VPS13B: variants seen among roughly 807,000 people sequenced by gnomAD.
The protein encoded by VPS13B is intermembrane lipid transfer protein VPS13B.
In VPS13B, 285 loss-of-function variants were observed where a neutral mutation model predicts 426.4. The observed-to-expected ratio is 0.67, with a 90% CI of 0.61 to 0.74. The LOEUF is 0.74. Among genes scored for constraint, VPS13B ranks in the 30% least tolerant of loss-of-function variants. VPS13B has a pLI of 0.00. For synonymous variants in VPS13B, 1,676 were observed against 1,676.4 expected, an observed-to-expected ratio of 1.00 and a Z score of 0.01; for missense variants, 4,537 against 4,782.6, an observed-to-expected ratio of 0.95 and a Z score of 1.51.
chr8:99,157,720 A>G (rs1811435301), intron 15 of VPS13B, among the ~76,000 whole-genome samples: 1 of 152,236 alleles, frequency 6.6e-6, no homozygotes, highest in Admixed American at 6.5e-5. Context: ...TGAAGAAGGC[A>G]TGTCAAAAGC....
Position 99,832,409 on chromosome 8 carries a change from C to T in VPS13B, c.9371C>T (p.Pro3124Leu). The T allele has an allele frequency of 6.6e-7, 1 of 1,520,870 alleles. No homozygotes were observed. Among genetic ancestry groups the T allele is most frequent in the Non-Finnish European group, 8.8e-7 (1 of 1,135,328 alleles). 94.2% of individuals were successfully genotyped at this position (1,520,870 alleles called of 1,614,324 possible). Residue 3124 changes from proline to leucine, a missense_variant, in exon 52 of 62, where the codon CCA (proline) becomes CTA (leucine). Coordinates refer to ENST00000357162, the MANE Select transcript of VPS13B (RefSeq NM_152564.5). ...VPDSATFSIC[P>L]GGEQPAMKSS... The stretch of plus-strand genomic sequence containing the variant: ...GACAGTGCTACTTTTAGCATTTGCC[C>T]AGGTGGAGAGCAGCCTGCTATGAAA...
chr8:99,813,976 A>C (rs1340512855), intron 44 of VPS13B, among the ~76,000 whole-genome samples: 1 of 152,092 alleles, frequency 6.6e-6, no homozygotes, highest in African/African-American at 2.4e-5. Context: ...TCTACAAAAC[A>C]TAAAATAAAA....
At chr8:99,040,312 T>C (rs1842917740) in intron 3 of VPS13B, among the ~76,000 whole-genome samples, 1 of 152,192 alleles carries the variant, frequency 6.6e-6, no homozygotes, top group Non-Finnish European at 1.5e-5. Flanking sequence ...ATTTCCTGCT[T>C]GCATGGTATT....
At chr8:99,775,984 T>G (rs1487958981) in intron 40 of VPS13B, among the ~76,000 whole-genome samples, 1 of 152,200 alleles carries the variant, frequency 6.6e-6, no homozygotes, top group Non-Finnish European at 1.5e-5. Context: ...GCATTGTAAT[T>G]GTCCATGGGA....
At chr8:99,335,688 G>A (rs1360630094) in intron 19 of VPS13B, among the ~76,000 whole-genome samples, 8 of 150,410 alleles carry the variant, frequency 5.3e-5, no homozygotes, top group African/African-American at 1.5e-4. Flanking sequence ...AAATCAATGT[G>A]CAAAAATCAC....
chr8:99,325,318 G>T (rs1030135892), intron 19 of VPS13B, among the ~76,000 whole-genome samples: 1 of 152,086 alleles, frequency 6.6e-6, no homozygotes, highest in African/African-American at 2.4e-5. Flanking sequence ...ACTTCTCACC[G>T]TCAATCACAG....
chr8:99,611,954 T>C (rs903053269), intron 33 of VPS13B, among the ~76,000 whole-genome samples: 2 of 152,148 alleles, frequency 1.3e-5, no homozygotes, highest in African/African-American at 4.8e-5. Flanking sequence ...TAGCTAAGTA[T>C]GGTAAATACT....
chr8:99,427,294 C>A, intron 21 of VPS13B, among the ~76,000 whole-genome samples: 1 of 112,870 alleles, frequency 8.9e-6, no homozygotes. Flanking sequence ...GGTACCAGTA[C>A]CATGCTGTTT....
intron 19 of VPS13B, among the ~76,000 whole-genome samples, chr8:99,343,015 T>C (rs1811333807): frequency 6.6e-6 from 1 of 152,216 alleles, no homozygotes; most frequent in Non-Finnish European, 1.5e-5. Flanking sequence ...AGCATTTTTT[T>C]CATGTACCTG....
At position 99,639,626 on chromosome 8, in the gene VPS13B, T is replaced by TTA. The variant is rs1325143319; in HGVS notation, c.5221-2174_5221-2173dup. ...GACTTATTTATTCTTACATAAGTTG[T>TTA]TATATATATATAAGTTATTGCATAT... On this transcript the variant is annotated intron_variant, in intron 33 of 61. Coordinates refer to ENST00000357162, the MANE Select transcript of VPS13B (RefSeq NM_152564.5). Among the ~76,000 whole-genome samples the TTA allele has an allele frequency of 1.8e-3, 269 of 149,276 alleles. 1 individual carries two copies. The highest frequency in any genetic ancestry group is 2.1e-3 in the Non-Finnish European group (139 of 67,504).
At chr8:99,360,242 CCT>C (rs1316016544) in intron 19 of VPS13B, among the ~76,000 whole-genome samples, 55,270 of 89,924 alleles carry the variant, frequency 0.61, 18,752 homozygotes, top group South Asian at 0.69. Flanking sequence ...TTCTCTCTCT[CCT>C]TCCTTCCTTC....
chr8:99,713,057 T>C lies in VPS13B; in HGVS notation c.6455-4114T>C, dbSNP rs796274246. Among the ~76,000 whole-genome samples, 37 of 152,332 alleles carry C rather than the reference T, an allele frequency of 2.4e-4. 1 individual carries two copies. Among genetic ancestry groups the C allele is most frequent in the Middle Eastern group, 3.4e-3 (1 of 294 alleles). ...ACAAAGCCTCATAATTTTAGTACAATATCAGTATTTAGCACAATATCAGTA... is the reference window on the plus strand; with the variant it reads ...ACAAAGCCTCATAATTTTAGTACAACATCAGTATTTAGCACAATATCAGTA... On this transcript the variant is annotated intron_variant, in intron 36 of 61. Coordinates refer to ENST00000357162, the MANE Select transcript of VPS13B (RefSeq NM_152564.5).
intron 30 of VPS13B, among the ~76,000 whole-genome samples, chr8:99,527,004 T>G (rs1296752443): frequency 6.6e-6 from 1 of 152,182 alleles, no homozygotes; most frequent in Non-Finnish European, 1.5e-5. Context: ...AAATCCATTT[T>G]TTTTACAAAC....
At chr8:99,264,223 A>G (rs1359699882) in intron 17 of VPS13B, among the ~76,000 whole-genome samples, 1 of 149,012 alleles carries the variant, frequency 6.7e-6, no homozygotes, top group Non-Finnish European at 1.5e-5. Context: ...TTTTTTTTTA[A>G]TGCTTTTTCC....
At chr8:99,249,441 T>C (rs1173376753) in intron 17 of VPS13B, among the ~76,000 whole-genome samples, 1 of 151,530 alleles carries the variant, frequency 6.6e-6, no homozygotes, top group African/African-American at 2.4e-5. Context: ...TTTTTTTTTT[T>C]TTTGAGATGG....
chr8:99,428,470 G>A (rs376673498), intron 21 of VPS13B, among the ~76,000 whole-genome samples: 16 of 152,202 alleles, frequency 1.1e-4, no homozygotes, highest in East Asian at 3.9e-4. Flanking sequence ...AAAAGTGGGC[G>A]AAGGATATGA....
At chr8:99,622,091 A>G (rs1454075374) in intron 33 of VPS13B, among the ~76,000 whole-genome samples, 2 of 151,920 alleles carry the variant, frequency 1.3e-5, no homozygotes, top group African/African-American at 2.4e-5. Flanking sequence ...GGATATATCA[A>G]TGAATGAATG....
chr8:99,309,740 G>A (rs1820850240), intron 19 of VPS13B, among the ~76,000 whole-genome samples: 1 of 152,172 alleles, frequency 6.6e-6, no homozygotes, highest in Non-Finnish European at 1.5e-5. Context: ...TAGCTTGATG[G>A]GGGTGGCATT....
intron 16 of VPS13B, among the ~76,000 whole-genome samples, chr8:99,188,893 A>G (rs557730277): frequency 6.6e-5 from 10 of 152,106 alleles, no homozygotes; most frequent in East Asian, 1.9e-4. Flanking sequence ...TTCAGGTCCT[A>G]TGTTCACTTT....
Sources: allele counts gnomAD v4.1 joint callset (sites outside exome capture counted in the v4.1 genomes callset), GRCh38; gene constraint gnomAD v4.1.1; transcripts MANE v1.5; gene names NCBI Gene and HGNC (gene_info 2026-07-23, HGNC 2026-07-21).